STAG1: variants seen among roughly 807,000 people sequenced by gnomAD.
STAG1 encodes the protein cohesin subunit SA-1.
In STAG1, 26 loss-of-function variants were observed where a neutral mutation model predicts 170.9. That is an observed-to-expected ratio of 0.15 (90% confidence interval 0.11 to 0.21). The LOEUF (loss-of-function observed/expected upper bound fraction) is 0.21, where lower values mean the gene tolerates loss of function less well. STAG1 is among the 10% of genes least tolerant of loss of function. STAG1 has a pLI of 1.00. For missense variants in STAG1, 964 were observed against 1,509.5 expected, an observed-to-expected ratio of 0.64 and a Z score of 5.99; for synonymous variants, 514 against 497.7, an observed-to-expected ratio of 1.03 and a Z score of -0.44.
chr3:136,632,726 A>G (rs553566438), intron 1 of STAG1, among the ~76,000 whole-genome samples: 1 of 152,270 alleles, frequency 6.6e-6, no homozygotes, highest in Non-Finnish European at 1.5e-5. Flanking sequence ...CAAGGCTAAA[A>G]GCATGGTCAG....
chr3:136,373,599 A>T (rs981700459), intron 23 of STAG1, among the ~76,000 whole-genome samples: 1 of 151,918 alleles, frequency 6.6e-6, no homozygotes, highest in Non-Finnish European at 1.5e-5. Flanking sequence ...CCTTCATTTC[A>T]TTATGTACCC....
chr3:136,427,050 A>G (rs2088149060), intron 16 of STAG1, among the ~76,000 whole-genome samples: 1 of 148,394 alleles, frequency 6.7e-6, no homozygotes, highest in Admixed American at 6.8e-5. Flanking sequence ...ACAGAGCGAG[A>G]CTCGTCTCTT....
chr3:136,407,682 G>A (rs990617295), intron 21 of STAG1, among the ~76,000 whole-genome samples: 3 of 151,920 alleles, frequency 2.0e-5, no homozygotes, highest in Admixed American at 6.6e-5. Context: ...AGCTGGTCTC[G>A]AACTCCTGAC....
chr3:136,356,115 CTTG>C (rs1485741746), intron 28 of STAG1, among the ~76,000 whole-genome samples: 1 of 149,462 alleles, frequency 6.7e-6, no homozygotes, highest in African/African-American at 2.5e-5. Flanking sequence ...CTCTCAGACT[CTTG>C]CCCTCAAACA....
rs77993372 is a variant in STAG1 at position 136,705,530 on chromosome 3, G to T, written c.-84+46665C>A. 7.5e-3 allele frequency among the ~76,000 whole-genome samples: 1,146 copies of T among 152,110 alleles called. 6 individuals are homozygous for T. The highest frequency in any genetic ancestry group is 0.014 in the Middle Eastern group (4 of 294). ...GTATTGTAGCTCCCATAATTCCCAT[G>T]TATTGTAGGAAGGAAAGATGGGAGG... On this transcript the variant is annotated intron_variant, in intron 1 of 33. Coordinates refer to ENST00000383202, the MANE Select transcript of STAG1 (RefSeq NM_005862.3).
At chr3:136,610,488 T>G (rs1939218076) in intron 3 of STAG1, among the ~76,000 whole-genome samples, 1 of 152,198 alleles carries the variant, frequency 6.6e-6, no homozygotes, top group Non-Finnish European at 1.5e-5. Context: ...GACTGAATAT[T>G]TGAGTATGTT....
chr3:136,379,856 G>A (rs923857457), intron 22 of STAG1, among the ~76,000 whole-genome samples: 6 of 152,102 alleles, frequency 3.9e-5, no homozygotes, highest in African/African-American at 9.7e-5. Context: ...AAAATATCAC[G>A]TTAAATCATT....
chr3:136,567,993 T>G (rs1937145134), intron 5 of STAG1, among the ~76,000 whole-genome samples: 1 of 152,062 alleles, frequency 6.6e-6, no homozygotes, highest in African/African-American at 2.4e-5. Flanking sequence ...TGATAACTTC[T>G]GTATACCCTG....
intron 1 of STAG1, among the ~76,000 whole-genome samples, chr3:136,645,460 CCT>C (rs767398552): frequency 1.3e-5 from 2 of 152,196 alleles, no homozygotes; most frequent in African/African-American, 4.8e-5. Flanking sequence ...CTCCATTTCA[CCT>C]CCATCACATC....
chr3:136,633,079 G>C (rs1187223282), intron 1 of STAG1, among the ~76,000 whole-genome samples: 2 of 152,102 alleles, frequency 1.3e-5, no homozygotes, highest in Non-Finnish European at 1.5e-5. Context: ...AAATCAAACA[G>C]GGCATGGGGG....
chr3:136,352,457 G>T (rs916750417), intron 28 of STAG1, among the ~76,000 whole-genome samples: 2 of 152,132 alleles, frequency 1.3e-5, no homozygotes, highest in Admixed American at 6.6e-5. Context: ...ACAGCGCCTG[G>T]CCAAATGTCC....
chr3:136,552,029 TTTTC>T (rs1254160647), intron 5 of STAG1, among the ~76,000 whole-genome samples: 1 of 152,106 alleles, frequency 6.6e-6, no homozygotes, highest in East Asian at 1.9e-4. Flanking sequence ...ACCCAACAGG[TTTTC>T]TTTAAGTGTA....
At chr3:136,394,885 G>A (rs1424162197) in intron 22 of STAG1, among the ~76,000 whole-genome samples, 1 of 150,708 alleles carries the variant, frequency 6.6e-6, no homozygotes, top group East Asian at 2.0e-4. Context: ...CCTGGGAGGC[G>A]GAGACTGCAG....
rs1289234169 is a variant in STAG1, at chr3:136,737,850, T to A, written c.-84+14345A>T. ...TTTGGGAGGCCGAGGCGGGCGGATCTCAAGGTCAGGGGTTCAAGACCAGCC... is the reference window on the plus strand; with the variant it reads ...TTTGGGAGGCCGAGGCGGGCGGATCACAAGGTCAGGGGTTCAAGACCAGCC... On this transcript the variant is annotated intron_variant, in intron 1 of 33. Transcript: ENST00000383202. Among the ~76,000 whole-genome samples, 401 of 150,078 alleles carry A rather than the reference T, an allele frequency of 2.7e-3. 2 individuals are homozygous for A. The highest frequency in any genetic ancestry group is 9.6e-3 in the African/African-American group (390 of 40,816).
intron 21 of STAG1, among the ~76,000 whole-genome samples, chr3:136,402,378 C>T (rs1023368616): frequency 5.9e-5 from 9 of 151,662 alleles, no homozygotes; most frequent in Non-Finnish European, 1.0e-4. Flanking sequence ...CCACCACACC[C>T]GGCTAATCTT....
intron 1 of STAG1, among the ~76,000 whole-genome samples, chr3:136,687,513 G>A (rs907560381): frequency 2.0e-5 from 3 of 151,320 alleles, no homozygotes; most frequent in East Asian, 1.9e-4. Flanking sequence ...CCAAAAACTC[G>A]ACCTTGAAAA....
chr3:136,555,007 T>C (rs931071720), intron 5 of STAG1, among the ~76,000 whole-genome samples: 1 of 151,144 alleles, frequency 6.6e-6, no homozygotes, highest in African/African-American at 2.4e-5. Flanking sequence ...ACACTTAAAA[T>C]TAATGAAAAG....
chr3:136,749,789 C>T (rs1935133260), intron 1 of STAG1, among the ~76,000 whole-genome samples: 1 of 151,238 alleles, frequency 6.6e-6, no homozygotes, highest in South Asian at 2.1e-4. Context: ...CAGATATGCA[C>T]TGCAATCACA....
intron 1 of STAG1, among the ~76,000 whole-genome samples, chr3:136,674,159 G>A (rs1240730278): frequency 3.3e-5 from 1 of 30,408 alleles, no homozygotes; most frequent in Non-Finnish European, 8.5e-5. Flanking sequence ...GGGAGAGAGG[G>A]AGGGAGGGAG....
Sources: allele counts gnomAD v4.1 joint callset (sites outside exome capture counted in the v4.1 genomes callset), GRCh38; gene constraint gnomAD v4.1.1; transcripts MANE v1.5; gene names NCBI Gene and HGNC (gene_info 2026-07-23, HGNC 2026-07-21).